The following MYRFL variants were observed in gnomAD, a reference collection of about 807,000 sequenced individuals.
The protein encoded by MYRFL is myelin regulatory factor like.
A neutral mutation model predicts 109.4 loss-of-function variants in MYRFL; 88 were observed. The observed-to-expected ratio is 0.80, with a 90% CI of 0.68 to 0.96. MYRFL has a LOEUF of 0.96. MYRFL is among the 40% of genes least tolerant of loss of function. MYRFL has a pLI of 0.00. For synonymous variants in MYRFL, 324 were observed against 320.9 expected (o/e 1.01, Z -0.10); for missense variants, 957 against 954.9 (o/e 1.00, Z -0.03).
intron 1 of MYRFL, among the ~76,000 whole-genome samples, chr12:69,836,712 TA>T (rs1221367527): frequency 6.6e-6 from 1 of 152,182 alleles, no homozygotes; most frequent in African/African-American, 2.4e-5. Context: ...CGTATAAGGA[TA>T]AGACAAACAA....
intron 19 of MYRFL, among the ~76,000 whole-genome samples, chr12:69,944,119 A>G (rs1955754413): frequency 1.3e-5 from 2 of 150,946 alleles, no homozygotes; most frequent in South Asian, 4.2e-4. Flanking sequence ...TGTGGAAGTC[A>G]GTGAGGCGAT....
intron 1 of MYRFL, among the ~76,000 whole-genome samples, chr12:69,852,023 C>T (rs960544288): frequency 6.6e-6 from 1 of 152,212 alleles, no homozygotes; most frequent in African/African-American, 2.4e-5. Flanking sequence ...ATGACTTAAT[C>T]TGAACTACTA....
intron 1 of MYRFL, among the ~76,000 whole-genome samples, chr12:69,830,790 C>T (rs1882585261): frequency 6.6e-6 from 1 of 152,088 alleles, no homozygotes; most frequent in Non-Finnish European, 1.5e-5. Flanking sequence ...TGACCTTTGT[C>T]ACCTGCCCAC....
chr12:69,872,987 T>G (rs1433601656), intron 2 of MYRFL, among the ~76,000 whole-genome samples: 1 of 152,218 alleles, frequency 6.6e-6, no homozygotes, highest in Non-Finnish European at 1.5e-5. Flanking sequence ...ATTATTAGTA[T>G]TGCACAATAG....
At chr12:69,891,610 T>TCCTCCTTC (rs1566002059) in intron 7 of MYRFL, among the ~76,000 whole-genome samples, 1 of 115,516 alleles carries the variant, frequency 8.7e-6, no homozygotes, top group African/African-American at 4.3e-5. Context: ...TCTTTCTCTT[T>TCCTCCTTC]CTTTCTTTCT....
At chr12:69,941,179 C>T (rs1386279333) in intron 19 of MYRFL, among the ~76,000 whole-genome samples, 39 of 102,274 alleles carry the variant, frequency 3.8e-4, no homozygotes, top group East Asian at 9.6e-4. Flanking sequence ...CTGCACCAAG[C>T]GGACCTCATA....
intron 1 of MYRFL, among the ~76,000 whole-genome samples, chr12:69,851,004 CAT>C (rs1442726124): frequency 1.3e-5 from 2 of 152,076 alleles, no homozygotes; most frequent in African/African-American, 2.4e-5. Context: ...TCTCTTGAGA[CAT>C]TGTAAAATTT....
intron 2 of MYRFL, among the ~76,000 whole-genome samples, chr12:69,875,920 CT>C (rs1885637160): frequency 6.6e-6 from 1 of 152,052 alleles, no homozygotes; most frequent in South Asian, 2.1e-4. Flanking sequence ...GAAGAGTATA[CT>C]TTTGTTTTAG....
intron 15 of MYRFL, among the ~76,000 whole-genome samples, chr12:69,928,006 A>G (rs954400832): frequency 7.9e-5 from 12 of 152,316 alleles, no homozygotes; most frequent in Middle Eastern, 3.4e-3. Context: ...TGTCCCCTTC[A>G]GGTGAAAGTC....
At chr12:69,839,299 C>T (rs1883116558) in intron 1 of MYRFL, among the ~76,000 whole-genome samples, 1 of 152,136 alleles carries the variant, frequency 6.6e-6, no homozygotes, top group Non-Finnish European at 1.5e-5. Context: ...ATTTCCCCCT[C>T]TCTTTTCCCT....
intron 1 of MYRFL, among the ~76,000 whole-genome samples, chr12:69,827,176 A>T (rs1171372985): frequency 2.0e-5 from 3 of 152,034 alleles, no homozygotes; most frequent in African/African-American, 7.2e-5. Flanking sequence ...TCAAGAAAAA[A>T]ATTTGACAAT....
In MYRFL at chr12:69,932,709, C is replaced by G. The variant is rs181751798; in HGVS notation, c.1916+111C>G. The G allele has an allele frequency of 1.7e-3, 1,305 of 757,588 alleles. 18 individuals carry two copies. Among genetic ancestry groups the G allele is most frequent in the South Asian group, 0.014 (813 of 56,334 alleles). The allele number at this position is 757,588 out of a possible 1,614,324, so 46.9% of individuals were successfully genotyped here. A position where few individuals can be genotyped will look rare whatever the true frequency, so the allele number is the denominator to read the frequency against. ...CTGTTTACTTTGAAGACAAGAAGCCCTTTAAACTAGACACTGAACTCTGAT... is the reference window on the plus strand; with the variant it reads ...CTGTTTACTTTGAAGACAAGAAGCCGTTTAAACTAGACACTGAACTCTGAT... On this transcript the variant is annotated intron_variant, in intron 16 of 24. Coordinates refer to ENST00000552032, the MANE Select transcript of MYRFL (RefSeq NM_182530.3).
chr12:69,860,971 C>G (rs1351280404), intron 2 of MYRFL, among the ~76,000 whole-genome samples: 11 of 143,670 alleles, frequency 7.7e-5, no homozygotes, highest in African/African-American at 2.8e-4. Flanking sequence ...TTGTTCAGTT[C>G]CCACCTATGA....
chr12:69,953,803 T>C (rs1478341594), intron 21 of MYRFL, among the ~76,000 whole-genome samples: 2 of 105,904 alleles, frequency 1.9e-5, no homozygotes, highest in Non-Finnish European at 2.2e-5. Flanking sequence ...ACACACGGAA[T>C]GGGGGAGTTA....
chr12:69,908,062 G>T (rs968670930), intron 11 of MYRFL, among the ~76,000 whole-genome samples: 6 of 152,086 alleles, frequency 3.9e-5, no homozygotes, highest in African/African-American at 1.4e-4. Flanking sequence ...TTGGTTCATG[G>T]TGTTCTCTGT....
chr12:69,927,220 T>C (rs1239821), intron 14 of MYRFL, among the ~76,000 whole-genome samples: 108,662 of 151,758 alleles, frequency 0.72, 39,558 homozygotes, highest in East Asian at 0.99. Flanking sequence ...GCTGGGATTA[T>C]AGGCGTGAGC....
intron 2 of MYRFL, among the ~76,000 whole-genome samples, chr12:69,865,221 T>C (rs1884946388): frequency 6.6e-6 from 1 of 152,206 alleles, no homozygotes; most frequent in African/African-American, 2.4e-5. Flanking sequence ...CAGGGAAAAC[T>C]ATTTTTATTT....
intron 2 of MYRFL, among the ~76,000 whole-genome samples, chr12:69,874,185 A>G (rs985559201): frequency 6.6e-6 from 1 of 152,166 alleles, no homozygotes; most frequent in Non-Finnish European, 1.5e-5. Flanking sequence ...ATTTTATTTT[A>G]TTATTATTTT....
intron 2 of MYRFL, among the ~76,000 whole-genome samples, chr12:69,866,552 G>A (rs1269028366): frequency 1.3e-5 from 2 of 152,018 alleles, no homozygotes; most frequent in South Asian, 2.1e-4. Flanking sequence ...TTTTGTTTTT[G>A]CCTGGGTACT....
Sources: allele counts gnomAD v4.1 joint callset (sites outside exome capture counted in the v4.1 genomes callset), GRCh38; gene constraint gnomAD v4.1.1; transcripts MANE v1.5; gene names NCBI Gene and HGNC (gene_info 2026-07-23, HGNC 2026-07-21).